SLIT2: variants seen among roughly 807,000 people sequenced by gnomAD.
SLIT2 encodes slit guidance ligand 2.
Under a neutral mutation model 185.7 loss-of-function variants are expected in SLIT2, and 41 were observed. The observed-to-expected ratio is 0.22, with a 90% CI of 0.17 to 0.29. The LOEUF (loss-of-function observed/expected upper bound fraction) is 0.29. Among genes scored for constraint, SLIT2 ranks in the 10% least tolerant of loss-of-function variants. SLIT2 has a pLI of 1.00. For missense variants in SLIT2, 1,571 were observed against 1,909.0 expected, an observed-to-expected ratio of 0.82 and a Z score of 3.30; for synonymous variants, 693 against 680.2, an observed-to-expected ratio of 1.02 and a Z score of -0.29.
intron 4 of SLIT2, among the ~76,000 whole-genome samples, chr4:20,460,729 C>CT (rs1301056769): frequency 1.3e-5 from 2 of 152,140 alleles, no homozygotes; most frequent in East Asian, 1.9e-4. Flanking sequence ...ATGAGATCAA[C>CT]TTTTTTAGAA....
chr4:20,581,617 AAAC>A (rs1473943382), intron 29 of SLIT2, among the ~76,000 whole-genome samples: 2 of 152,044 alleles, frequency 1.3e-5, no homozygotes, highest in Admixed American at 6.6e-5. Flanking sequence ...TTTGCTTCCT[AAAC>A]ACTGCTTTGG....
intron 7 of SLIT2, among the ~76,000 whole-genome samples, chr4:20,487,342 CTA>C (rs1168001756): frequency 6.6e-6 from 1 of 152,058 alleles, no homozygotes; most frequent in Non-Finnish European, 1.5e-5. Context: ...TCACTCAAAA[CTA>C]TAATTTCCCA....
chr4:20,461,651 A>G (rs935903141), intron 4 of SLIT2, among the ~76,000 whole-genome samples: 1 of 152,188 alleles, frequency 6.6e-6, no homozygotes, highest in African/African-American at 2.4e-5. Context: ...GATTCTGGAT[A>G]TATTTTGAAA....
chr4:20,365,765 C>A (rs554583260), intron 4 of SLIT2, among the ~76,000 whole-genome samples: 1 of 152,264 alleles, frequency 6.6e-6, no homozygotes, highest in Non-Finnish European at 1.5e-5. Context: ...AATGCCTTTT[C>A]TCTTATCCTT....
intron 5 of SLIT2, among the ~76,000 whole-genome samples, chr4:20,475,088 C>T (rs572869282): frequency 1.3e-5 from 2 of 152,146 alleles, no homozygotes; most frequent in African/African-American, 4.8e-5. Context: ...CTGACTACTC[C>T]TAGCATTCTG....
chr4:20,502,740 C>A (rs1184186781), intron 9 of SLIT2, among the ~76,000 whole-genome samples: 1 of 152,034 alleles, frequency 6.6e-6, no homozygotes, highest in African/African-American at 2.4e-5. Context: ...GAAGTCAAAT[C>A]TTGAAGAAGA....
At chr4:20,616,780 C>T (rs1348619998) in intron 34 of SLIT2, 130 bp from the exon 35 acceptor site, 3 of 969,212 alleles carry the variant, frequency 3.1e-6, no homozygotes, top group East Asian at 2.6e-5. Flanking sequence ...CACTTCACTT[C>T]CCTACCACCC....
At chr4:20,504,957 G>T (rs1292637541) in intron 9 of SLIT2, among the ~76,000 whole-genome samples, 1 of 151,954 alleles carries the variant, frequency 6.6e-6, no homozygotes, top group Non-Finnish European at 1.5e-5. Flanking sequence ...AAAAAAAAGT[G>T]TATATAGGGT....
At chr4:20,572,160 A>G (rs1200170753) in intron 29 of SLIT2, among the ~76,000 whole-genome samples, 1 of 152,192 alleles carries the variant, frequency 6.6e-6, no homozygotes, top group Non-Finnish European at 1.5e-5. Flanking sequence ...AATTGTAAGG[A>G]CAAGTACTGT....
chr4:20,519,902 T>C (rs569478227), intron 12 of SLIT2, among the ~76,000 whole-genome samples: 3 of 151,794 alleles, frequency 2.0e-5, no homozygotes, highest in Admixed American at 2.0e-4. Flanking sequence ...GTGGTGGTGG[T>C]GGGCCCCTGT....
intron 4 of SLIT2, among the ~76,000 whole-genome samples, chr4:20,453,268 A>T (rs886946594): frequency 6.6e-6 from 1 of 152,094 alleles, no homozygotes; most frequent in African/African-American, 2.4e-5. Context: ...GCTTACTGGG[A>T]TTGTTTAAAG....
At chr4:20,342,717 C>CTTTTTTTTTT (rs11373611) in intron 4 of SLIT2, among the ~76,000 whole-genome samples, 5 of 69,678 alleles carry the variant, frequency 7.2e-5, no homozygotes, top group Admixed American at 5.1e-4. Flanking sequence ...GACTATCGCA[C>CTTTTTTTTTT]TTTTTTTTTT....
chr4:20,404,431 G>A (rs1726606257), intron 4 of SLIT2, among the ~76,000 whole-genome samples: 1 of 151,906 alleles, frequency 6.6e-6, no homozygotes, highest in South Asian at 2.1e-4. Flanking sequence ...TTGTGACCCT[G>A]GACAAGCAGC....
chr4:20,543,514 G>T (rs956376629), intron 21 of SLIT2, among the ~76,000 whole-genome samples: 1 of 152,070 alleles, frequency 6.6e-6, no homozygotes, highest in Non-Finnish European at 1.5e-5. Context: ...TGGAACTATG[G>T]ATCAATAATG....
intron 4 of SLIT2, among the ~76,000 whole-genome samples, chr4:20,352,965 AAAAAT>A (rs1722008979): frequency 6.6e-6 from 1 of 152,204 alleles, no homozygotes; most frequent in African/African-American, 2.4e-5. Context: ...GTAAAACAGA[AAAAAT>A]AATATAGATT....
At chr4:20,340,635 C>T (rs1225294303) in intron 4 of SLIT2, among the ~76,000 whole-genome samples, 6 of 152,224 alleles carry the variant, frequency 3.9e-5, no homozygotes, top group Non-Finnish European at 1.5e-5. Context: ...GAGTCTCGCT[C>T]TGTCCCCCGG....
At chr4:20,378,161 T>C (rs373362572) in intron 4 of SLIT2, among the ~76,000 whole-genome samples, 2 of 152,258 alleles carry the variant, frequency 1.3e-5, no homozygotes, top group East Asian at 3.9e-4. Context: ...GACTGTACAA[T>C]TTTCCCAGAA....
chr4:20,365,396 A>C (rs1003000397), intron 4 of SLIT2, among the ~76,000 whole-genome samples: 2 of 152,062 alleles, frequency 1.3e-5, no homozygotes, highest in Non-Finnish European at 2.9e-5. Flanking sequence ...TACTATGTGA[A>C]CGTTTGTCCT....
chr4:20,596,401 TC>T lies in SLIT2; in HGVS notation c.3321-12del. 1.9e-6 allele frequency: 3 copies of T among 1,604,264 alleles called. No homozygotes were observed. The highest frequency in any genetic ancestry group is 2.5e-6 in the Non-Finnish European group (3 of 1,176,846). Reference sequence around the variant, plus strand: ...AATCGTATTAACTAATTTTTTTTTCTCCTTATTCTTCAGTGGCTTGTTCTGT... The same window carrying T: ...AATCGTATTAACTAATTTTTTTTTCTCTTATTCTTCAGTGGCTTGTTCTGT... On this transcript the variant is annotated splice_polypyrimidine_tract_variant and intron_variant, in intron 31 of 36. Coordinates refer to ENST00000504154, the MANE Select transcript of SLIT2 (RefSeq NM_004787.4).
Sources: gnomAD v4.1 joint callset for allele counts (sites outside exome capture counted in the v4.1 genomes callset) on GRCh38, gnomAD v4.1.1 for gene constraint, MANE v1.5 for transcripts, NCBI Gene and HGNC (gene_info 2026-07-23, HGNC 2026-07-21) for gene names.